The following MIS18BP1 variants were observed in gnomAD, a reference collection of about 807,000 sequenced individuals.
The protein encoded by MIS18BP1 is MIS18 binding protein 1.
MIS18BP1 carries 72 observed loss-of-function variants against 116.1 expected under a neutral mutation model. The observed-to-expected ratio is 0.62, with a 90% CI of 0.51 to 0.75. MIS18BP1 has a LOEUF of 0.75. Ranked by LOEUF, MIS18BP1 falls within the 30% of genes least tolerant of loss-of-function variation. The pLI is 0.00. For missense variants in MIS18BP1, 1,363 were observed against 1,303.2 expected, an observed-to-expected ratio of 1.05 and a Z score of -0.71; for synonymous variants, 386 against 427.0, an observed-to-expected ratio of 0.90 and a Z score of 1.18.
chr14:45,232,143 G>A (rs1165969063), intron 7 of MIS18BP1, among the ~76,000 whole-genome samples: 4 of 151,982 alleles, frequency 2.6e-5, no homozygotes, highest in African/African-American at 7.3e-5. Flanking sequence ...TCAGGCGGGC[G>A]CGGTGTCTCA....
In MIS18BP1 at chr14:45,224,598, T is replaced by C; in HGVS notation, c.1989A>G (p.Gln663=). The stretch of plus-strand genomic sequence containing the variant: ...CGGACAGATTATACCTCATGCATCT[T>C]TGCTCTATCACTTTTCTAGATTTAA... The part of the protein sequence containing the change: ...TPLKSRKVIE[Q]RCMRYNLSAG... Residue 663 remains glutamine, a synonymous_variant, in exon 11 of 17, where the codon CAA becomes CAG. Coordinates refer to ENST00000310806, the MANE Select transcript of MIS18BP1 (RefSeq NM_018353.5). The C allele has an allele frequency of 1.2e-6, 2 of 1,613,846 alleles. No individual in the cohort carries two copies. Among genetic ancestry groups the C allele is most frequent in the South Asian group, 1.1e-5 (1 of 91,014 alleles).
Position 45,252,283 on chromosome 14 carries a change from A to C in MIS18BP1, c.-92+752T>G, listed in dbSNP as rs577610098. On this transcript the variant is annotated intron_variant, in intron 1 of 16. Transcript: ENST00000310806. ...GGACAAAATAAATCCCGCCACATCC[A>C]TACAATTTACTCTATGTATTCAATA... Among the ~76,000 whole-genome samples the C allele has an allele frequency of 4.6e-5, 7 of 152,384 alleles. No individual in the cohort carries two copies. The East Asian group carries it at 1.3e-3, about 29-fold the overall frequency.
chr14:45,238,032 G>A (rs1004722025), intron 4 of MIS18BP1, among the ~76,000 whole-genome samples: 1 of 151,804 alleles, frequency 6.6e-6, no homozygotes. Flanking sequence ...CCAAGGTACA[G>A]ATTAAAACAC....
chr14:45,206,980 T>C (rs1196456099), intron 14 of MIS18BP1, among the ~76,000 whole-genome samples: 1 of 152,214 alleles, frequency 6.6e-6, no homozygotes, highest in Non-Finnish European at 1.5e-5. Flanking sequence ...GCCTTTTATT[T>C]CTACAAAATT....
At chr14:45,225,889 T>C (rs1566811102) in intron 10 of MIS18BP1, among the ~76,000 whole-genome samples, 2 of 152,182 alleles carry the variant, frequency 1.3e-5, no homozygotes, top group East Asian at 1.9e-4. Flanking sequence ...ATGAGACTGA[T>C]AGATAATATT....
chr14:45,210,879 G>A (rs921828148), intron 13 of MIS18BP1, among the ~76,000 whole-genome samples: 2 of 152,008 alleles, frequency 1.3e-5, no homozygotes, highest in African/African-American at 4.8e-5. Flanking sequence ...ATAAACCCTG[G>A]GTCTGGGGGG....
intron 14 of MIS18BP1, among the ~76,000 whole-genome samples, chr14:45,206,760 C>A (rs373273042): frequency 1.3e-5 from 2 of 152,216 alleles, no homozygotes; most frequent in South Asian, 2.1e-4. Flanking sequence ...CGTCTACGCT[C>A]TTTCCGGTAT....
intron 14 of MIS18BP1, among the ~76,000 whole-genome samples, chr14:45,208,161 T>C (rs1052893997): frequency 6.6e-6 from 1 of 152,330 alleles, no homozygotes; most frequent in South Asian, 2.1e-4. Context: ...ACATGATTTG[T>C]TTCATATTCC....
chr14:45,242,171 T>C lies in MIS18BP1; in HGVS notation c.1006A>G (p.Met336Val), dbSNP rs1370842171. Reference sequence around the variant, plus strand: ...AGTACAATTTTACATGTATCTTTCATGGAACCTGGAAGACCTGTCTCTCCA... The same window carrying C: ...AGTACAATTTTACATGTATCTTTCACGGAACCTGGAAGACCTGTCTCTCCA... ...VPGETGLPGS[M>V]KDTCKIVLAT... The change falls in exon 4 of 17, where the codon ATG becomes GTG. Residue 336 changes from methionine to valine, a missense_variant. Coordinates refer to ENST00000310806, the MANE Select transcript of MIS18BP1 (RefSeq NM_018353.5). 1.2e-6 allele frequency: 2 copies of C among 1,614,146 alleles called. No individual in the cohort carries two copies. The highest frequency in any genetic ancestry group is 1.7e-5 in the Admixed American group (1 of 60,018).
At chr14:45,219,468 C>T (rs1393487913) in intron 11 of MIS18BP1, among the ~76,000 whole-genome samples, 1 of 151,816 alleles carries the variant, frequency 6.6e-6, no homozygotes, top group Non-Finnish European at 1.5e-5. Flanking sequence ...TTCCACCATA[C>T]CACAGAGGTG....
At chr14:45,232,583 C>A in intron 7 of MIS18BP1, 150 bp downstream of exon 7, 1 of 610,808 alleles carries the variant, frequency 1.6e-6, no homozygotes, top group African/African-American at 1.9e-5. Context: ...TCACTTGTAG[C>A]CAGGAGTTCG....
intron 11 of MIS18BP1, among the ~76,000 whole-genome samples, chr14:45,219,722 T>G (rs1461236319): frequency 6.6e-6 from 1 of 152,220 alleles, no homozygotes; most frequent in Non-Finnish European, 1.5e-5. Context: ...TGTTAATGAA[T>G]TCTTTTACAT....
At chr14:45,238,352 C>T (rs776274465) in intron 4 of MIS18BP1, among the ~76,000 whole-genome samples, 1 of 152,074 alleles carries the variant, frequency 6.6e-6, no homozygotes, top group African/African-American at 2.4e-5. Flanking sequence ...GATTGAACTA[C>T]TTCTGATGAG....
intron 14 of MIS18BP1, among the ~76,000 whole-genome samples, chr14:45,208,062 C>T (rs1890568407): frequency 6.6e-6 from 1 of 152,110 alleles, no homozygotes; most frequent in Non-Finnish European, 1.5e-5. Context: ...GAATTTGTTA[C>T]ATAAAATTGG....
intron 14 of MIS18BP1, among the ~76,000 whole-genome samples, chr14:45,209,691 T>A (rs1890623395): frequency 1.3e-5 from 2 of 152,202 alleles, no homozygotes; most frequent in African/African-American, 4.8e-5. Flanking sequence ...ATTTTTGAGG[T>A]ACTGCCATTT....
intron 9 of MIS18BP1, 111 bp from the exon 10 acceptor site, chr14:45,226,947 C>T: frequency 1.1e-6 from 1 of 926,280 alleles, no homozygotes; most frequent in Non-Finnish European, 1.4e-6. Context: ...ACTTACAGTT[C>T]CGCAAATTTC....
intron 4 of MIS18BP1, among the ~76,000 whole-genome samples, chr14:45,238,175 T>A (rs140839847): frequency 1.3e-5 from 2 of 151,444 alleles, no homozygotes; most frequent in East Asian, 3.9e-4. Flanking sequence ...ACTAAAAAGG[T>A]AACTGCTGGT....
intron 12 of MIS18BP1, among the ~76,000 whole-genome samples, chr14:45,217,925 A>C (rs989023034): frequency 6.6e-6 from 1 of 152,208 alleles, no homozygotes; most frequent in African/African-American, 2.4e-5. Context: ...AGGAGTATGT[A>C]ATCATGGGAC....
chr14:45,246,996 G>A lies in MIS18BP1; in HGVS notation c.291C>T (p.Pro97=), dbSNP rs776797494. 6.2e-7 allele frequency: 1 copy of A among 1,612,292 alleles called. No individual in the cohort carries two copies. The highest frequency in any genetic ancestry group is 8.5e-7 in the Non-Finnish European group (1 of 1,179,666). Residue 97 remains proline (P), a synonymous_variant, in exon 2 of 17, where the codon CCC becomes CCT. Transcript: ENST00000310806. The part of the protein sequence containing the change: ...NSSLDISAIK[P]NKDGLKNKAN... Reference sequence around the variant, plus strand: ...CTTTATTTTTTAATCCATCCTTGTTGGGCTTTATAGCACTGATATCAAGAG... The same window carrying A: ...CTTTATTTTTTAATCCATCCTTGTTAGGCTTTATAGCACTGATATCAAGAG...
Sources: allele counts gnomAD v4.1 joint callset (sites outside exome capture counted in the v4.1 genomes callset), GRCh38; gene constraint gnomAD v4.1.1; transcripts MANE v1.5; gene names NCBI Gene and HGNC (gene_info 2026-07-23, HGNC 2026-07-21).